GALNTL6: variants seen among roughly 807,000 people sequenced by gnomAD.
GALNTL6 encodes the protein polypeptide N-acetylgalactosaminyltransferase-like 6.
Under a neutral mutation model 73.7 loss-of-function variants are expected in GALNTL6, and 46 were observed. The observed-to-expected ratio is 0.62, with a 90% CI of 0.49 to 0.80. The LOEUF (loss-of-function observed/expected upper bound fraction) is 0.80. Among genes scored for constraint, GALNTL6 ranks in the 30% least tolerant of loss-of-function variants. GALNTL6 has a pLI of 0.00. For missense variants in GALNTL6, 604 were observed against 755.0 expected (o/e 0.80, Z 2.34); for synonymous variants, 259 against 263.7 (o/e 0.98, Z 0.17).
At chr4:172,706,765 G>T (rs1734381124) in intron 5 of GALNTL6, among the ~76,000 whole-genome samples, 1 of 152,140 alleles carries the variant, frequency 6.6e-6, no homozygotes, top group African/African-American at 2.4e-5. Flanking sequence ...TGTGTAAGAA[G>T]GCTAGTTTGG....
chr4:172,345,486 G>A (rs1741708623), intron 4 of GALNTL6, among the ~76,000 whole-genome samples: 1 of 152,192 alleles, frequency 6.6e-6, no homozygotes, highest in African/African-American at 2.4e-5. Context: ...TGAAATGCAT[G>A]TGTGATAATC....
At chr4:172,318,036 G>A (rs1740625597) in intron 4 of GALNTL6, among the ~76,000 whole-genome samples, 1 of 152,014 alleles carries the variant, frequency 6.6e-6, no homozygotes, top group South Asian at 2.1e-4. Flanking sequence ...AAAAAATAAA[G>A]CAATTAAATG....
At chr4:172,818,667 C>T (rs1186769534) in intron 7 of GALNTL6, among the ~76,000 whole-genome samples, 2 of 152,138 alleles carry the variant, frequency 1.3e-5, no homozygotes, top group East Asian at 1.9e-4. Flanking sequence ...GGGACAATCT[C>T]GGCTCACTGC....
intron 2 of GALNTL6, among the ~76,000 whole-genome samples, chr4:172,149,819 C>CGGT: frequency 6.6e-6 from 1 of 152,278 alleles, no homozygotes; most frequent in Admixed American, 6.5e-5. Context: ...ACTGTCCATA[C>CGGT]CCTTCTCATG....
At chr4:172,552,397 C>A (rs1053668009) in intron 5 of GALNTL6, among the ~76,000 whole-genome samples, 1 of 151,942 alleles carries the variant, frequency 6.6e-6, no homozygotes, top group African/African-American at 2.4e-5. Flanking sequence ...TTTGAATTGC[C>A]AGTGCAAATA....
intron 10 of GALNTL6, among the ~76,000 whole-genome samples, chr4:172,980,884 C>T (rs1751035084): frequency 6.6e-6 from 1 of 152,208 alleles, no homozygotes; most frequent in Non-Finnish European, 1.5e-5. Flanking sequence ...TAGTAACTTC[C>T]ATTCTACTTT....
chr4:172,006,103 A>G (rs967806274), intron 2 of GALNTL6, among the ~76,000 whole-genome samples: 6 of 152,206 alleles, frequency 3.9e-5, no homozygotes, highest in Admixed American at 1.3e-4. Context: ...TAACAACAGC[A>G]TGTCTACGAG....
At chr4:172,151,226 A>G (rs1380128544) in intron 2 of GALNTL6, among the ~76,000 whole-genome samples, 1 of 152,212 alleles carries the variant, frequency 6.6e-6, no homozygotes, top group African/African-American at 2.4e-5. Flanking sequence ...AAGTCATGAA[A>G]AAGAAAATAT....
chr4:172,121,288 TGTGTGTGTAA>T (rs1388913713), intron 2 of GALNTL6, among the ~76,000 whole-genome samples: 1 of 150,022 alleles, frequency 6.7e-6, no homozygotes, highest in Admixed American at 6.6e-5. Flanking sequence ...TGTGTGTGTG[TGTGTGTGTAA>T]GTTTGTAATT....
At chr4:172,064,998 G>A (rs1045625994) in intron 2 of GALNTL6, among the ~76,000 whole-genome samples, 4 of 151,980 alleles carry the variant, frequency 2.6e-5, no homozygotes, top group African/African-American at 9.7e-5. Context: ...AGCATTCCTA[G>A]TTCATCAAAA....
chr4:171,947,291 C>A (rs1179891126), intron 2 of GALNTL6, among the ~76,000 whole-genome samples: 1 of 152,052 alleles, frequency 6.6e-6, no homozygotes, highest in Non-Finnish European at 1.5e-5. Context: ...ACTCCAAATA[C>A]CACCTACTTG....
intron 5 of GALNTL6, among the ~76,000 whole-genome samples, chr4:172,576,173 A>G (rs545656671): frequency 6.6e-6 from 1 of 152,300 alleles, no homozygotes; most frequent in Non-Finnish European, 1.5e-5. Context: ...CAGTTGGATT[A>G]TCTGGACACT....
chr4:172,716,347 T>C (rs1361626480), intron 5 of GALNTL6, among the ~76,000 whole-genome samples: 2 of 152,192 alleles, frequency 1.3e-5, no homozygotes, highest in African/African-American at 4.8e-5. Flanking sequence ...GTCCATGTTA[T>C]GATGAGCTTA....
chr4:172,541,588 C>T (rs1355774843), intron 5 of GALNTL6, among the ~76,000 whole-genome samples: 1 of 152,178 alleles, frequency 6.6e-6, no homozygotes, highest in East Asian at 1.9e-4. Flanking sequence ...GCTGAGTAGG[C>T]AACTTGAGAG....
At chr4:172,419,061 T>C (rs1463022124) in intron 5 of GALNTL6, among the ~76,000 whole-genome samples, 1 of 152,140 alleles carries the variant, frequency 6.6e-6, no homozygotes, top group East Asian at 1.9e-4. Context: ...GTTACTATTG[T>C]ATGGATGGTG....
intron 5 of GALNTL6, among the ~76,000 whole-genome samples, chr4:172,617,453 T>C (rs905312359): frequency 6.6e-6 from 1 of 151,476 alleles, no homozygotes; most frequent in East Asian, 1.9e-4. Flanking sequence ...TTTATTTATT[T>C]ATTTATTTAT....
chr4:172,733,375 A>T (rs1736265855), intron 5 of GALNTL6, among the ~76,000 whole-genome samples: 1 of 151,848 alleles, frequency 6.6e-6, no homozygotes, highest in East Asian at 1.9e-4. Flanking sequence ...ACTTTTGAGG[A>T]TTTGATTATC....
intron 2 of GALNTL6, among the ~76,000 whole-genome samples, chr4:171,935,502 T>G (rs539694631): frequency 7.9e-5 from 12 of 152,128 alleles, no homozygotes; most frequent in Non-Finnish European, 1.8e-4. Context: ...GGGGTCTCAG[T>G]CTGTTGCCCA....
intron 5 of GALNTL6, among the ~76,000 whole-genome samples, chr4:172,765,973 A>G (rs1333327266): frequency 1.3e-5 from 2 of 152,214 alleles, no homozygotes; most frequent in African/African-American, 4.8e-5. Context: ...GATATTAGAG[A>G]AAGAAAAAAG....
Sources: allele counts gnomAD v4.1 joint callset (sites outside exome capture counted in the v4.1 genomes callset), GRCh38; gene constraint gnomAD v4.1.1; transcripts MANE v1.5; gene names NCBI Gene and HGNC (gene_info 2026-07-23, HGNC 2026-07-21).